The following DPY19L2 variants were observed in gnomAD, a reference collection of about 807,000 sequenced individuals.
DPY19L2 encodes probable C-mannosyltransferase DPY19L2.
Under a neutral mutation model 97.9 loss-of-function variants are expected in DPY19L2, and 34 were observed. That is an observed-to-expected ratio of 0.35 (90% CI 0.26 to 0.46). The LOEUF is 0.46. DPY19L2 is among the 20% of genes least tolerant of loss of function. DPY19L2 has a pLI of 1.00. For missense variants in DPY19L2, 623 were observed against 911.4 expected, an observed-to-expected ratio of 0.68 and a Z score of 4.07; for synonymous variants, 230 against 307.9, an observed-to-expected ratio of 0.75 and a Z score of 2.65.
chr12:63,566,255 A>G (rs1270304626), intron 21 of DPY19L2, among the ~76,000 whole-genome samples: 1 of 152,000 alleles, frequency 6.6e-6, no homozygotes, highest in Non-Finnish European at 1.5e-5. Flanking sequence ...ATTTCAAGAC[A>G]TTTGGAGATC....
rs147579680 is a variant in DPY19L2 at position 63,624,124 on chromosome 12, C to T, written c.869G>A (p.Arg290His). Residue 290 changes from arginine (R) to histidine (H), a missense_variant, in exon 8 of 22, where the codon CGT (arginine) becomes CAT (histidine). Arg to His is a conservative substitution (Grantham distance 29). This residue lies in a region of DPY19L2 where 67 missense variants were observed against 88.0 expected (regional missense o/e 0.76). Coordinates refer to ENST00000324472, the MANE Select transcript of DPY19L2 (RefSeq NM_173812.5). ...CFFFNHGEAT[R>H]VMWTPPLRES... Reference sequence around the variant, plus strand: ...ACGGAGAGGTGGTGTCCACATCACACGGGTGGCCTGAAATCAACAAAATGC... The same window carrying T: ...ACGGAGAGGTGGTGTCCACATCACATGGGTGGCCTGAAATCAACAAAATGC... 4.5e-4 allele frequency: 728 copies of T among 1,610,850 alleles called. 1 individual carries two copies. Among genetic ancestry groups the T allele is most frequent in the Non-Finnish European group, 5.9e-4 (690 of 1,178,914 alleles).
chr12:63,618,027 T>A, intron 10 of DPY19L2, 124 bp downstream of exon 10: 1 of 859,640 alleles, frequency 1.2e-6, no homozygotes, highest in Non-Finnish European at 1.7e-6. Flanking sequence ...CTTCTGGATA[T>A]CACCAATACC....
chr12:63,579,093 A>G (rs2137347694), intron 19 of DPY19L2, among the ~76,000 whole-genome samples: 1 of 152,174 alleles, frequency 6.6e-6, no homozygotes, highest in African/African-American at 2.4e-5. Context: ...ATACCCTCCC[A>G]CTCCACTTTC....
chr12:63,580,884 C>T (rs144580305), intron 18 of DPY19L2, 48 bp from the exon 19 acceptor site: 40 of 1,567,022 alleles, frequency 2.6e-5, no homozygotes, highest in East Asian at 4.5e-5. Flanking sequence ...TGAAGAGTAC[C>T]GTAGGGTCAA....
At chr12:63,646,293 C>T (rs190808502) in intron 5 of DPY19L2, among the ~76,000 whole-genome samples, 197 of 152,242 alleles carry the variant, frequency 1.3e-3, no homozygotes, top group African/African-American at 4.1e-3. Context: ...ATTTTCACCA[C>T]TCAGACAGGG....
intron 19 of DPY19L2, among the ~76,000 whole-genome samples, chr12:63,578,381 T>C (rs1156796923): frequency 1.3e-5 from 2 of 152,056 alleles, no homozygotes; most frequent in Non-Finnish European, 2.9e-5. Context: ...ATGGATAAGA[T>C]GTAGTGTTTG....
At chr12:63,623,926 A>C (rs1202512860) in intron 8 of DPY19L2, 114 bp downstream of exon 8, 1 of 730,040 alleles carries the variant, frequency 1.4e-6, no homozygotes, top group Non-Finnish European at 2.3e-6. Context: ...CTGGTCTCGA[A>C]CTCCTGACCT....
At position 63,658,433 on chromosome 12, in the gene DPY19L2, A is replaced by G. The variant is rs149741196; in HGVS notation, c.588+2911T>C. 2.5e-4 allele frequency among the ~76,000 whole-genome samples: 38 copies of G among 152,274 alleles called. 1 individual carries two copies. Among genetic ancestry groups the G allele is most frequent in the Admixed American group, 1.2e-3 (18 of 15,288 alleles). On this transcript the variant is annotated intron_variant, in intron 4 of 21. Transcript: ENST00000324472. ...CGCTTGAACCCAGGAGGCAGAGGCT[A>G]CAGGGAGCCGAGATCACGCCACTGC... is the stretch of plus-strand genomic sequence containing the variant.
At chr12:63,585,324 G>T (rs1881603644) in intron 16 of DPY19L2, among the ~76,000 whole-genome samples, 1 of 152,086 alleles carries the variant, frequency 6.6e-6, no homozygotes, top group South Asian at 2.1e-4. Context: ...TAAGTTCAGG[G>T]GTACAGAGAC....
At chr12:63,628,373 G>C (rs181289506) in intron 6 of DPY19L2, among the ~76,000 whole-genome samples, 2 of 152,234 alleles carry the variant, frequency 1.3e-5, no homozygotes, top group Admixed American at 1.3e-4. Flanking sequence ...TACCCTAACA[G>C]TGCGCTTTTC....
At chr12:63,636,110 G>GC (rs1404001374) in intron 6 of DPY19L2, among the ~76,000 whole-genome samples, 1 of 151,672 alleles carries the variant, frequency 6.6e-6, no homozygotes, top group African/African-American at 2.4e-5. Context: ...CAGAAGGGGG[G>GC]GCGGCCAATA....
At chr12:63,565,928 T>C (rs1375436867) in intron 21 of DPY19L2, among the ~76,000 whole-genome samples, 2 of 152,186 alleles carry the variant, frequency 1.3e-5, no homozygotes, top group South Asian at 2.1e-4. Flanking sequence ...TTTTGCATTA[T>C]AAAACATAGT....
At chr12:63,591,744 A>T (rs1882956237) in intron 16 of DPY19L2, among the ~76,000 whole-genome samples, 1 of 151,386 alleles carries the variant, frequency 6.6e-6, no homozygotes, top group African/African-American at 2.4e-5. Flanking sequence ...AAGAAAAAGA[A>T]AAGCCTGACC....
chr12:63,584,447 T>G (rs1339561896), intron 16 of DPY19L2, among the ~76,000 whole-genome samples: 1 of 152,204 alleles, frequency 6.6e-6, no homozygotes, highest in African/African-American at 2.4e-5. Context: ...TTCCACAGTT[T>G]CAGTTACCTG....
At chr12:63,639,785 C>G (rs1892382076) in intron 6 of DPY19L2, among the ~76,000 whole-genome samples, 1 of 152,138 alleles carries the variant, frequency 6.6e-6, no homozygotes, top group Non-Finnish European at 1.5e-5. Flanking sequence ...CTGTGGAAGA[C>G]AGTGTGGCAA....
At chr12:63,569,684 GA>G (rs1303609928) in intron 20 of DPY19L2, among the ~76,000 whole-genome samples, 2 of 152,128 alleles carry the variant, frequency 1.3e-5, no homozygotes, top group Non-Finnish European at 2.9e-5. Context: ...GACAGAGACT[GA>G]ATGTAGTGAA....
intron 16 of DPY19L2, among the ~76,000 whole-genome samples, chr12:63,591,940 T>TGAAGA (rs1237136925): frequency 1.6e-5 from 1 of 62,112 alleles, no homozygotes; most frequent in Non-Finnish European, 2.6e-5. Flanking sequence ...CAAGACTCTG[T>TGAAGA]GAAAAGAAAA....
At chr12:63,634,529 T>C (rs538763326) in intron 6 of DPY19L2, among the ~76,000 whole-genome samples, 38 of 152,282 alleles carry the variant, frequency 2.5e-4, no homozygotes, top group African/African-American at 7.5e-4. Context: ...TTCCCTTTCC[T>C]AGCCAAGGGA....
At position 63,660,578 on chromosome 12, in the gene DPY19L2, A is replaced by G. The variant is rs528799923; in HGVS notation, c.588+766T>C. ...TTAAAATAGCTGATGCAAAAATGACAAAGATTAGCATTTATTTATTTTAGA... is the reference window on the plus strand; with the variant it reads ...TTAAAATAGCTGATGCAAAAATGACGAAGATTAGCATTTATTTATTTTAGA... On this transcript the variant is annotated intron_variant, in intron 4 of 21. Coordinates refer to ENST00000324472, the MANE Select transcript of DPY19L2 (RefSeq NM_173812.5). Among the ~76,000 whole-genome samples the G allele has an allele frequency of 5.3e-5, 8 of 152,154 alleles. No homozygotes were observed. In the East Asian group the frequency reaches 1.3e-3, roughly 26 times the overall value.
Sources: gnomAD v4.1 joint callset for allele counts (sites outside exome capture counted in the v4.1 genomes callset) on GRCh38, gnomAD v4.1.1 for gene constraint, gnomAD v4.1.1 regional missense constraint, MANE v1.5 for transcripts, NCBI Gene and HGNC (gene_info 2026-07-23, HGNC 2026-07-21) for gene names.